CNTN5: variants seen among roughly 807,000 people sequenced by gnomAD.
The protein encoded by CNTN5 is contactin-5.
In CNTN5, 77 loss-of-function variants were observed where a neutral mutation model predicts 129.1. The ratio of observed to expected loss-of-function variants is 0.60; its 90% CI spans 0.50 to 0.72. The LOEUF is 0.72. Ranked by LOEUF, CNTN5 falls within the 30% of genes least tolerant of loss-of-function variation. CNTN5 has a pLI of 0.00. For synonymous variants in CNTN5, 509 were observed against 465.6 expected, an observed-to-expected ratio of 1.09 and a Z score of -1.20; for missense variants, 1,478 against 1,328.8, an observed-to-expected ratio of 1.11 and a Z score of -1.75.
chr11:100,069,002 G>A (rs947058478), intron 10 of CNTN5, among the ~76,000 whole-genome samples: 12 of 152,264 alleles, frequency 7.9e-5, no homozygotes, highest in African/African-American at 2.6e-4. Flanking sequence ...ATTTGGCTCA[G>A]TGTCTAGGAC....
Position 99,684,837 on chromosome 11 carries a change from CTCTT to C in CNTN5, c.55+128572_55+128575del, listed in dbSNP as rs1192219207. On this transcript the variant is annotated intron_variant, in intron 3 of 24. Coordinates refer to ENST00000524871, the MANE Select transcript of CNTN5 (RefSeq NM_014361.4). ...GGTTCTTGATATGAATTTATATCTT[CTCTT>C]TCTCTTTTTTTCCATTGGTGATTCT... 3.5e-4 allele frequency among the ~76,000 whole-genome samples: 53 copies of C among 151,646 alleles called. 1 individual carries two copies. Among genetic ancestry groups the C allele is most frequent in the African/African-American group, 1.3e-3 (52 of 41,436 alleles).
chr11:99,842,005 G>T (rs1947522148), intron 4 of CNTN5, among the ~76,000 whole-genome samples: 1 of 151,608 alleles, frequency 6.6e-6, no homozygotes, highest in African/African-American at 2.4e-5. Context: ...TCCTGCCTCA[G>T]CCTCTGAAGT....
chr11:99,062,705 A>C (rs989286850), intron 1 of CNTN5, among the ~76,000 whole-genome samples: 1 of 151,998 alleles, frequency 6.6e-6, no homozygotes, highest in Non-Finnish European at 1.5e-5. Context: ...TTTTATAAAC[A>C]ATAATAAAAT....
At chr11:99,494,583 A>C in intron 2 of CNTN5, among the ~76,000 whole-genome samples, 1 of 152,174 alleles carries the variant, frequency 6.6e-6, no homozygotes, top group Admixed American at 6.6e-5. Flanking sequence ...AGGGAAAAAA[A>C]GTCTACTCTG....
intron 18 of CNTN5, among the ~76,000 whole-genome samples, chr11:100,288,906 A>T (rs552468694): frequency 2.0e-5 from 3 of 152,140 alleles, no homozygotes; most frequent in African/African-American, 7.2e-5. Flanking sequence ...AATAGACACA[A>T]TAAAAAATGA....
chr11:99,158,198 A>G (rs1464243314), intron 1 of CNTN5, among the ~76,000 whole-genome samples: 1 of 152,108 alleles, frequency 6.6e-6, no homozygotes, highest in Non-Finnish European at 1.5e-5. Context: ...TAAATTTCAC[A>G]TGTTCAAAAC....
chr11:99,618,750 C>G (rs1007281602), intron 3 of CNTN5, among the ~76,000 whole-genome samples: 7 of 152,158 alleles, frequency 4.6e-5, no homozygotes, highest in African/African-American at 7.2e-5. Flanking sequence ...AATACTTTCA[C>G]TCTCAGAATA....
chr11:99,454,873 T>G (rs1037297888), intron 2 of CNTN5, among the ~76,000 whole-genome samples: 2 of 152,146 alleles, frequency 1.3e-5, no homozygotes, highest in South Asian at 2.1e-4. Context: ...ATCTGTGCTC[T>G]GATAGGAAAT....
At chr11:99,911,978 C>G (rs757985926) in intron 6 of CNTN5, among the ~76,000 whole-genome samples, 1 of 151,960 alleles carries the variant, frequency 6.6e-6, no homozygotes, top group Non-Finnish European at 1.5e-5. Flanking sequence ...TGCCCTGCAG[C>G]CTTCTCACCA....
Position 100,356,369 on chromosome 11 carries a change from G to C in CNTN5, c.*149G>C. The C allele has an allele frequency of 1.6e-6, 1 of 622,710 alleles. No homozygotes were observed. Among genetic ancestry groups the C allele is most frequent in the Non-Finnish European group, 2.9e-6 (1 of 348,486 alleles). The allele number at this position is 622,710 out of a possible 1,614,324, so 38.6% of individuals were successfully genotyped here. A position where few individuals can be genotyped will look rare whatever the true frequency, so the allele number is the denominator to read the frequency against. On this transcript the variant is annotated 3_prime_UTR_variant, in exon 25 of 25. Transcript: ENST00000524871. The stretch of plus-strand genomic sequence containing the variant: ...TGGTGAACTTACAGGAGGTTAGGGG[G>C]GAAATATTACTTATCCATCAGGTTT...
chr11:99,154,544 G>A (rs1252741911), intron 1 of CNTN5, among the ~76,000 whole-genome samples: 1 of 152,206 alleles, frequency 6.6e-6, no homozygotes, highest in Non-Finnish European at 1.5e-5. Flanking sequence ...CTGTGCATGT[G>A]TGCTGACAAA....
At chr11:100,314,068 C>G (rs1951528286) in intron 21 of CNTN5, among the ~76,000 whole-genome samples, 1 of 152,108 alleles carries the variant, frequency 6.6e-6, no homozygotes. Flanking sequence ...GCCACTGCTT[C>G]TAAAGAATGG....
chr11:99,415,737 C>A (rs1382498069), intron 2 of CNTN5, among the ~76,000 whole-genome samples: 2 of 152,202 alleles, frequency 1.3e-5, no homozygotes, highest in East Asian at 3.9e-4. Context: ...CCCAATAAGA[C>A]CTAGCACCAC....
At chr11:99,083,033 AACACACACACACACAC>A (rs5793966) in intron 1 of CNTN5, among the ~76,000 whole-genome samples, 2 of 150,230 alleles carry the variant, frequency 1.3e-5, no homozygotes, top group East Asian at 3.9e-4. Context: ...AAATGATTTA[AACACACACACACACAC>A]ACACACACGA....
At chr11:99,317,575 G>A (rs932255261) in intron 1 of CNTN5, among the ~76,000 whole-genome samples, 1 of 151,984 alleles carries the variant, frequency 6.6e-6, no homozygotes, top group Non-Finnish European at 1.5e-5. Flanking sequence ...GTGATTCTTG[G>A]CACATAAGCG....
intron 10 of CNTN5, among the ~76,000 whole-genome samples, chr11:100,063,206 T>C (rs1170494803): frequency 6.6e-6 from 1 of 151,744 alleles, no homozygotes; most frequent in Non-Finnish European, 1.5e-5. Flanking sequence ...ACTTAATTCA[T>C]AGGTAATGAT....
intron 13 of CNTN5, among the ~76,000 whole-genome samples, chr11:100,127,205 G>A (rs763452800): frequency 6.7e-6 from 1 of 148,536 alleles, no homozygotes; most frequent in Admixed American, 6.8e-5. Flanking sequence ...CTCCCAAAGT[G>A]CTGGGATTAT....
chr11:100,183,904 T>G (rs1948215631), intron 13 of CNTN5, among the ~76,000 whole-genome samples: 1 of 152,130 alleles, frequency 6.6e-6, no homozygotes, highest in African/African-American at 2.4e-5. Flanking sequence ...AGTCTCATCT[T>G]TTGCCCCTCC....
chr11:99,903,538 G>A (rs1949413972), intron 6 of CNTN5, among the ~76,000 whole-genome samples: 1 of 151,996 alleles, frequency 6.6e-6, no homozygotes, highest in South Asian at 2.1e-4. Flanking sequence ...TTTTCTCATT[G>A]GATATGTGGA....
Sources: allele counts gnomAD v4.1 joint callset (sites outside exome capture counted in the v4.1 genomes callset), GRCh38; gene constraint gnomAD v4.1.1; transcripts MANE v1.5; gene names NCBI Gene and HGNC (gene_info 2026-07-23, HGNC 2026-07-21).